Variants in TOP6BL observed in about 807,000 individuals in gnomAD.
TOP6BL encodes the protein TOP6B like initiator of meiotic double strand breaks, also known as type 2 DNA topoisomerase 6 subunit B-like.
chr11:66,838,493 T>TA, the TOP6BL span: 4 of 1,546,124 alleles, frequency 2.6e-6, no homozygotes, highest in African/African-American at 4.1e-5. Flanking sequence ...GCAGAGGAAG[T>TA]AAAAAACGTG....
chr11:66,842,902 G>A, the TOP6BL span: 1 of 1,571,958 alleles, frequency 6.4e-7, no homozygotes, highest in Non-Finnish European at 8.6e-7. Flanking sequence ...CCCCCGCATA[G>A]AGGAGATGCG....
chr11:66,839,473 G>C, the TOP6BL span, among the ~76,000 whole-genome samples: 1 of 152,324 alleles, frequency 6.6e-6, no homozygotes, highest in Admixed American at 6.5e-5. Flanking sequence ...AACAGTATCT[G>C]GGTCAAGGGA....
the TOP6BL span, among the ~76,000 whole-genome samples, chr11:66,813,175 C>T: frequency 2.6e-5 from 4 of 152,274 alleles, no homozygotes; most frequent in African/African-American, 9.6e-5. Flanking sequence ...GCTTTTATGT[C>T]TGTCTCCCAT....
chr11:66,754,821 A>C, the TOP6BL span, among the ~76,000 whole-genome samples: 1 of 152,150 alleles, frequency 6.6e-6, no homozygotes, highest in African/African-American at 2.4e-5. Context: ...TGACACCTTG[A>C]CCATTTTCAA....
the TOP6BL span, among the ~76,000 whole-genome samples, chr11:66,787,719 CAA>C: frequency 2.2e-4 from 19 of 87,268 alleles, no homozygotes; most frequent in Admixed American, 3.8e-4. Context: ...GACTCCGACT[CAA>C]AAAAAAAAAA....
At chr11:66,747,093 CACCCGGCTA>C in the TOP6BL span, among the ~76,000 whole-genome samples, 5 of 152,064 alleles carry the variant, frequency 3.3e-5, no homozygotes, top group Non-Finnish European at 5.9e-5. Context: ...CACACCACCA[CACCCGGCTA>C]ATTTTTGTAT....
chr11:66,748,558 A>G, the TOP6BL span: 3 of 1,458,260 alleles, frequency 2.1e-6, no homozygotes, highest in African/African-American at 1.4e-5. Flanking sequence ...CTCTTTTGTC[A>G]TGGTTTATGT....
At chr11:66,748,069 C>T in the TOP6BL span, among the ~76,000 whole-genome samples, 5 of 152,144 alleles carry the variant, frequency 3.3e-5, no homozygotes, top group Non-Finnish European at 5.9e-5. Flanking sequence ...AAAACAAACT[C>T]CCACTTAATT....
the TOP6BL span, chr11:66,748,505 T>C: frequency 1.3e-6 from 2 of 1,544,942 alleles, no homozygotes; most frequent in Non-Finnish European, 1.7e-6. Flanking sequence ...TGCTCTTCAT[T>C]GTGTAACAAC....
the TOP6BL span, chr11:66,756,357 G>A: frequency 8.4e-7 from 1 of 1,187,890 alleles, no homozygotes; most frequent in Non-Finnish European, 1.1e-6. Context: ...TCTCAGGATG[G>A]AGTCTCACTC....
chr11:66,843,493 C>G, the TOP6BL span: 5 of 1,481,788 alleles, frequency 3.4e-6, no homozygotes, highest in South Asian at 6.4e-5. Flanking sequence ...CGACTGCTGT[C>G]GGTGTCGCGG....
chr11:66,823,824 A>T, the TOP6BL span, among the ~76,000 whole-genome samples: 1 of 152,090 alleles, frequency 6.6e-6, no homozygotes. Context: ...CTCAAAAAAG[A>T]ATAAGAAAAA....
the TOP6BL span, among the ~76,000 whole-genome samples, chr11:66,754,103 T>G: frequency 1.3e-5 from 2 of 152,186 alleles, no homozygotes; most frequent in African/African-American, 4.8e-5. Flanking sequence ...ATGGGGTATT[T>G]GTTTGCGAGC....
the TOP6BL span, among the ~76,000 whole-genome samples, chr11:66,760,162 T>C: frequency 6.6e-6 from 1 of 152,160 alleles, no homozygotes; most frequent in African/African-American, 2.4e-5. Context: ...TAAGAAAATA[T>C]ACTGTAGCCA....
At chr11:66,813,222 T>G in the TOP6BL span, among the ~76,000 whole-genome samples, 25 of 152,232 alleles carry the variant, frequency 1.6e-4, no homozygotes, top group Non-Finnish European at 2.9e-4. Flanking sequence ...AGGTATTATC[T>G]GGATATTTGT....
the TOP6BL span, among the ~76,000 whole-genome samples, chr11:66,751,227 C>T: frequency 2.0e-5 from 3 of 152,092 alleles, no homozygotes; most frequent in Admixed American, 6.6e-5. Flanking sequence ...GAGTCTCACT[C>T]TGTCACCAGG....
chr11:66,803,594 A>G, the TOP6BL span, among the ~76,000 whole-genome samples: 60 of 152,126 alleles, frequency 3.9e-4, no homozygotes, highest in African/African-American at 1.4e-3. Context: ...ATGCACAGCT[A>G]TTGTATCTTT....
At chr11:66,826,854 G>C in the TOP6BL span, among the ~76,000 whole-genome samples, 1 of 144,478 alleles carries the variant, frequency 6.9e-6, no homozygotes, top group Non-Finnish European at 1.5e-5. Context: ...GGCTAATTTT[G>C]TATTTTTTAG....
the TOP6BL span, chr11:66,821,696 A>G: frequency 2.5e-5 from 40 of 1,612,744 alleles, no homozygotes; most frequent in Non-Finnish European, 3.3e-5. Flanking sequence ...GGAGAGCCAC[A>G]GTGTAGTGCA....
Sources: allele counts gnomAD v4.1 joint callset (sites outside exome capture counted in the v4.1 genomes callset), GRCh38; gene constraint gnomAD v4.1.1; transcripts MANE v1.5; gene names NCBI Gene and HGNC (gene_info 2026-07-23, HGNC 2026-07-21).